The following SIPA1L2 variants were observed in gnomAD, a reference collection of about 807,000 sequenced individuals.
SIPA1L2 encodes signal-induced proliferation-associated 1-like protein 2.
In SIPA1L2, 56 loss-of-function variants were observed where a neutral mutation model predicts 163.9. The observed-to-expected ratio is 0.34, with a 90% CI of 0.28 to 0.43. The LOEUF (loss-of-function observed/expected upper bound fraction) is 0.43, where lower values mean the gene tolerates loss of function less well. Ranked by LOEUF, SIPA1L2 falls within the 20% of genes least tolerant of loss-of-function variation. The probability of loss-of-function intolerance (pLI) is 1.00; values close to 1 mark genes in which losing one functional copy is unlikely to be tolerated. For missense variants in SIPA1L2, 1,974 were observed against 2,193.5 expected, an observed-to-expected ratio of 0.90 and a Z score of 2.00; for synonymous variants, 877 against 865.7, an observed-to-expected ratio of 1.01 and a Z score of -0.23.
intron 3 of SIPA1L2, among the ~76,000 whole-genome samples, chr1:232,503,700 T>C (rs1666589826): frequency 6.6e-6 from 1 of 152,252 alleles, no homozygotes; most frequent in African/African-American, 2.4e-5. Context: ...CTTTGTTCTC[T>C]CAACCACTAG....
At chr1:232,448,438 ACT>A (rs1404332595) in intron 10 of SIPA1L2, among the ~76,000 whole-genome samples, 2 of 152,186 alleles carry the variant, frequency 1.3e-5, no homozygotes. Flanking sequence ...ACAAGGGATC[ACT>A]CTGTTAAAAA....
intron 5 of SIPA1L2, among the ~76,000 whole-genome samples, chr1:232,486,390 G>A (rs891590716): frequency 6.6e-5 from 10 of 152,180 alleles, no homozygotes; most frequent in Non-Finnish European, 1.0e-4. Flanking sequence ...GGACACACCA[G>A]CCTGTGTCTA....
chr1:232,415,710 C>A (rs866733262), intron 18 of SIPA1L2, 85 bp from the exon 19 acceptor site: 29 of 1,563,270 alleles, frequency 1.9e-5, no homozygotes, highest in Non-Finnish European at 2.4e-5. Context: ...GGCACCACTG[C>A]CCCTCCCAGA....
At chr1:232,512,167 A>G (rs1169389104) in intron 3 of SIPA1L2, among the ~76,000 whole-genome samples, 1 of 152,220 alleles carries the variant, frequency 6.6e-6, no homozygotes, top group Non-Finnish European at 1.5e-5. Context: ...CAAAACCTCA[A>G]TGAGATACCA....
chr1:232,621,119 A>C (rs765308141), intron 1 of SIPA1L2, among the ~76,000 whole-genome samples: 1 of 152,248 alleles, frequency 6.6e-6, no homozygotes, highest in Non-Finnish European at 1.5e-5. Context: ...GCATGATCAC[A>C]GAAGGACCCA....
rs1658015180 is a variant in SIPA1L2, at chr1:232,546,088, G to C, written c.-270+28086C>G. 2.0e-5 allele frequency among the ~76,000 whole-genome samples: 3 copies of C among 152,182 alleles called. No homozygotes were observed. In the South Asian group the frequency reaches 6.2e-4, roughly 31 times the overall value. On this transcript the variant is annotated intron_variant, in intron 2 of 22. Coordinates refer to ENST00000674635, the MANE Select transcript of SIPA1L2 (RefSeq NM_020808.5). ...TCATTTTAATCTTCTAGTACACCTGGAGTCCTGTCTAAATCTTCAGGCTAA... is the reference window on the plus strand; with the variant it reads ...TCATTTTAATCTTCTAGTACACCTGCAGTCCTGTCTAAATCTTCAGGCTAA...
intron 2 of SIPA1L2, among the ~76,000 whole-genome samples, chr1:232,569,529 A>C (rs1228899694): frequency 1.3e-5 from 2 of 152,172 alleles, no homozygotes; most frequent in Non-Finnish European, 2.9e-5. Context: ...AAAATCGATG[A>C]AGGCCAGGCA....
At position 232,525,401 on chromosome 1, in the gene SIPA1L2, ATTTTTTTTTT is replaced by A. The variant is rs59155660; in HGVS notation, c.-269-9803_-269-9794del. 8.8e-3 allele frequency among the ~76,000 whole-genome samples: 1,121 copies of A among 127,678 alleles called. 23 individuals carry two copies. Among genetic ancestry groups the A allele is most frequent in the African/African-American group, 0.032 (1,016 of 31,596 alleles). 83.8% of individuals were successfully genotyped at this position (127,678 alleles called of 152,430 possible). ...CAGGCACCCGCCACCAAGCCTGGCT[ATTTTTTTTTT>A]TTTTTTTTTTTTTTTTGTATTTCTA... On this transcript the variant is annotated intron_variant, in intron 2 of 22. Coordinates refer to ENST00000674635, the MANE Select transcript of SIPA1L2 (RefSeq NM_020808.5).
intron 2 of SIPA1L2, among the ~76,000 whole-genome samples, chr1:232,545,913 C>T (rs949241863): frequency 6.6e-6 from 1 of 152,196 alleles, no homozygotes; most frequent in African/African-American, 2.4e-5. Context: ...AGATGCAGAT[C>T]TTATGCAGAA....
intron 8 of SIPA1L2, among the ~76,000 whole-genome samples, chr1:232,466,975 C>G (rs1042899156): frequency 3.3e-5 from 5 of 152,288 alleles, no homozygotes; most frequent in African/African-American, 1.2e-4. Context: ...AGAAAGGAAG[C>G]AATCTTTGTT....
At chr1:232,452,104 A>G (rs976669512) in intron 10 of SIPA1L2, among the ~76,000 whole-genome samples, 9 of 151,650 alleles carry the variant, frequency 5.9e-5, no homozygotes, top group Non-Finnish European at 1.0e-4. Flanking sequence ...GCTGTATTCT[A>G]AAAACAGTAT....
chr1:232,422,803 T>C lies in SIPA1L2; in HGVS notation c.4630+2786A>G, dbSNP rs557355482. ...TCATTTCTCGCTCAAAGACATCTTCTGGGCATTAACACTCACATTTCAGCT... is the reference window on the plus strand; with the variant it reads ...TCATTTCTCGCTCAAAGACATCTTCCGGGCATTAACACTCACATTTCAGCT... On this transcript the variant is annotated intron_variant, in intron 18 of 22. Coordinates refer to ENST00000674635, the MANE Select transcript of SIPA1L2 (RefSeq NM_020808.5). Among the ~76,000 whole-genome samples the C allele has an allele frequency of 1.3e-3, 191 of 152,330 alleles. 2 individuals are homozygous for C. Among genetic ancestry groups the C allele is most frequent in the African/African-American group, 4.3e-3 (178 of 41,588 alleles).
At position 232,415,630 on chromosome 1, in the gene SIPA1L2, A is replaced by G. The variant is rs1661203015; in HGVS notation, c.4631-5T>C. The G allele has an allele frequency of 6.2e-7, 1 of 1,613,764 alleles. No individual in the cohort carries two copies. Among genetic ancestry groups the G allele is most frequent in the Non-Finnish European group, 8.5e-7 (1 of 1,179,912 alleles). ...CATCGGAGAACCAGAACTCATCTAA[A>G]CAGAAACAAAACCAGAGAGTCAGTC... On this transcript the variant is annotated splice_polypyrimidine_tract_variant and splice_region_variant and intron_variant, in intron 18 of 22. Coordinates refer to ENST00000674635, the MANE Select transcript of SIPA1L2 (RefSeq NM_020808.5).
At chr1:232,419,614 G>A (rs555026782) in intron 18 of SIPA1L2, among the ~76,000 whole-genome samples, 5 of 152,180 alleles carry the variant, frequency 3.3e-5, no homozygotes, top group African/African-American at 1.2e-4. Flanking sequence ...TCCTTCTCTT[G>A]CTATGTGACA....
At chr1:232,417,882 G>A (rs935256445) in intron 18 of SIPA1L2, among the ~76,000 whole-genome samples, 12 of 152,198 alleles carry the variant, frequency 7.9e-5, no homozygotes, top group African/African-American at 2.9e-4. Flanking sequence ...AGCTCTGTGA[G>A]GGCCGCGGAG....
intron 10 of SIPA1L2, among the ~76,000 whole-genome samples, chr1:232,457,412 T>C (rs1387904285): frequency 1.3e-5 from 2 of 152,228 alleles, no homozygotes; most frequent in Non-Finnish European, 2.9e-5. Context: ...TTGGCCATTT[T>C]TGTAGTCTTC....
intron 19 of SIPA1L2, 127 bp from the exon 20 acceptor site, chr1:232,404,305 G>T: frequency 1.4e-6 from 1 of 728,810 alleles, no homozygotes. Flanking sequence ...AAACCCTTGA[G>T]AGCCAGTATC....
intron 2 of SIPA1L2, among the ~76,000 whole-genome samples, chr1:232,546,395 C>T (rs773634323): frequency 6.6e-6 from 1 of 152,182 alleles, no homozygotes; most frequent in Non-Finnish European, 1.5e-5. Context: ...ATGGCCCACT[C>T]CTCTTTAGTA....
At chr1:232,532,855 C>A (rs898202272) in intron 2 of SIPA1L2, among the ~76,000 whole-genome samples, 2 of 152,156 alleles carry the variant, frequency 1.3e-5, no homozygotes, top group African/African-American at 4.8e-5. Context: ...CAATGAGATG[C>A]CTACCTCTAC....
Sources: gnomAD v4.1 joint callset for allele counts (sites outside exome capture counted in the v4.1 genomes callset) on GRCh38, gnomAD v4.1.1 for gene constraint, MANE v1.5 for transcripts, NCBI Gene and HGNC (gene_info 2026-07-23, HGNC 2026-07-21) for gene names.